The following LMTK2 variants were observed in gnomAD, a reference collection of about 807,000 sequenced individuals.
LMTK2 encodes lemur tail kinase 2.
LMTK2 carries 37 observed loss-of-function variants against 127.5 expected under a neutral mutation model. That is an observed-to-expected ratio of 0.29 (90% confidence interval 0.22 to 0.38). The LOEUF is 0.38. Ranked by LOEUF, LMTK2 falls within the 10% of genes least tolerant of loss-of-function variation. The probability of loss-of-function intolerance (pLI) is 1.00; values close to 1 mark genes in which losing one functional copy is unlikely to be tolerated. For synonymous variants in LMTK2, 819 were observed against 810.1 expected (o/e 1.01, Z -0.19); for missense variants, 1,694 against 1,920.3 (o/e 0.88, Z 2.20).
At position 98,205,676 on chromosome 7, in the gene LMTK2, G is replaced by A. The variant is rs1797782150; in HGVS notation, c.*184G>A. The A allele has an allele frequency of 3.0e-6, 2 of 655,848 alleles. No individual in the cohort carries two copies. The highest frequency in any genetic ancestry group is 2.6e-6 in the Non-Finnish European group (1 of 382,556). 40.6% of individuals were successfully genotyped at this position (655,848 alleles called of 1,614,324 possible). ...AGGCGGGGCCCTCGGGAGCCCAGGT[G>A]CAGAGCGAGGCCGTGTCCAGGAGCC... is the stretch of plus-strand genomic sequence containing the variant. On this transcript the variant is annotated 3_prime_UTR_variant, in exon 14 of 14. Coordinates refer to ENST00000297293, the MANE Select transcript of LMTK2 (RefSeq NM_014916.4).
At chr7:98,138,925 C>CT (rs1339913940) in intron 2 of LMTK2, among the ~76,000 whole-genome samples, 1 of 152,164 alleles carries the variant, frequency 6.6e-6, no homozygotes, top group African/African-American at 2.4e-5. Flanking sequence ...GCTCTAGAGT[C>CT]TGTGTGACTG....
chr7:98,187,222 A>G (rs1797449331), intron 9 of LMTK2, among the ~76,000 whole-genome samples: 1 of 152,234 alleles, frequency 6.6e-6, no homozygotes, highest in African/African-American at 2.4e-5. Context: ...TTTCCTTTAG[A>G]AAAGCAGGAA....
intron 8 of LMTK2, among the ~76,000 whole-genome samples, chr7:98,185,798 G>A (rs1455284385): frequency 6.6e-6 from 1 of 151,502 alleles, no homozygotes; most frequent in Non-Finnish European, 1.5e-5. Context: ...CTGGGTTCAA[G>A]CAACTTGCCT....
intron 7 of LMTK2, among the ~76,000 whole-genome samples, chr7:98,175,838 G>A (rs1205465802): frequency 1.3e-5 from 2 of 152,188 alleles, no homozygotes; most frequent in African/African-American, 2.4e-5. Context: ...TGATTAAAGA[G>A]CTTTCATTTT....
At chr7:98,154,691 G>C in intron 4 of LMTK2, 67 bp from the exon 5 acceptor site, 2 of 999,604 alleles carry the variant, frequency 2.0e-6, no homozygotes, top group Non-Finnish European at 3.2e-6. Context: ...TCCATTTCCC[G>C]GTAAATGCAG....
chr7:98,185,028 T>C (rs1368154060), intron 7 of LMTK2, 23 bp from the exon 8 acceptor site: 10 of 1,562,584 alleles, frequency 6.4e-6, no homozygotes, highest in South Asian at 1.1e-5. Flanking sequence ...CTTCTTGCCA[T>C]GTTCACTTCC....
At chr7:98,131,441 G>T (rs1371662863) in intron 1 of LMTK2, among the ~76,000 whole-genome samples, 1 of 151,730 alleles carries the variant, frequency 6.6e-6, no homozygotes, top group Non-Finnish European at 1.5e-5. Flanking sequence ...CCTGTGTTTT[G>T]CTGATTACAT....
intron 4 of LMTK2, among the ~76,000 whole-genome samples, chr7:98,152,046 C>G (rs1796865870): frequency 6.6e-6 from 1 of 152,100 alleles, no homozygotes; most frequent in East Asian, 1.9e-4. Flanking sequence ...GAAAAGAGAC[C>G]TGGAATCTTA....
At chr7:98,136,060 T>G (rs1369464797) in intron 1 of LMTK2, among the ~76,000 whole-genome samples, 2 of 151,892 alleles carry the variant, frequency 1.3e-5, no homozygotes, top group Non-Finnish European at 2.9e-5. Flanking sequence ...AGCCTGGAGC[T>G]TCCTGTCGTG....
At chr7:98,141,743 G>A (rs1796703314) in intron 3 of LMTK2, among the ~76,000 whole-genome samples, 1 of 152,166 alleles carries the variant, frequency 6.6e-6, no homozygotes, top group South Asian at 2.1e-4. Context: ...TGGACCCTGG[G>A]TCTGGTATGA....
chr7:98,154,179 C>T (rs997363720), intron 4 of LMTK2, among the ~76,000 whole-genome samples: 1 of 152,114 alleles, frequency 6.6e-6, no homozygotes, highest in African/African-American at 2.4e-5. Flanking sequence ...TCATGTGAGG[C>T]AGCAGATTCT....
rs771751153 is a variant in LMTK2, at chr7:98,193,093, C to T, written c.2628C>T (p.Thr876=). 21 of 1,613,652 alleles carry T rather than the reference C, an allele frequency of 1.3e-5. No individual in the cohort carries two copies. The South Asian group carries it at 2.3e-4, about 18-fold the overall frequency. Residue 876 remains threonine (T), a synonymous_variant, in exon 11 of 14, where the codon ACC becomes ACT. Transcript: ENST00000297293. The surrounding 1 kb of genome is among the most constrained non-coding windows in gnomAD (Gnocchi z 4.1). ...PVEILSTDAR[T]HSLDNRSQDS... ...AAATTCTCTCAACTGATGCCAGAAC[C>T]CACAGCCTGGATAACAGGTCCCAGG...
chr7:98,152,867 T>TGCTA (rs1364762334), intron 4 of LMTK2, among the ~76,000 whole-genome samples: 2 of 152,138 alleles, frequency 1.3e-5, no homozygotes, highest in Non-Finnish European at 2.9e-5. Context: ...TGAACCTGGA[T>TGCTA]GCTAGCGGTG....
At chr7:98,148,832 A>G (rs1302177570) in intron 3 of LMTK2, among the ~76,000 whole-genome samples, 1 of 152,218 alleles carries the variant, frequency 6.6e-6, no homozygotes, top group Non-Finnish European at 1.5e-5. Flanking sequence ...TTGGGCCTGA[A>G]GACCAGCTCC....
At chr7:98,152,725 A>G (rs1796875687) in intron 4 of LMTK2, among the ~76,000 whole-genome samples, 1 of 152,146 alleles carries the variant, frequency 6.6e-6, no homozygotes, top group African/African-American at 2.4e-5. Flanking sequence ...GAAACGGGGA[A>G]ATACTCTGGT....
intron 3 of LMTK2, among the ~76,000 whole-genome samples, 198 bp downstream of exon 3, chr7:98,141,739 C>T (rs1408865584): frequency 2.0e-5 from 3 of 152,196 alleles, no homozygotes; most frequent in African/African-American, 7.2e-5. Context: ...TTTCTGGACC[C>T]TGGGTCTGGT....
chr7:98,167,286 G>A (rs1030593152), intron 6 of LMTK2, among the ~76,000 whole-genome samples: 5 of 152,196 alleles, frequency 3.3e-5, no homozygotes, highest in African/African-American at 1.2e-4. Context: ...ACACAATAGG[G>A]AACTAGACGG....
Position 98,171,091 on chromosome 7 carries a change from C to A in LMTK2, c.658-450C>A, listed in dbSNP as rs1195004807. On this transcript the variant is annotated intron_variant, in intron 6 of 13. Transcript: ENST00000297293. This position sits in a 1 kb window ranked among gnomAD's most constrained non-coding sequence, Gnocchi z 5.1. ...CCCACCCATTTTTCTTTCCTTCTCT[C>A]CCGCTCCATTGCTCCTCCAAGCTTT... Among the ~76,000 whole-genome samples the A allele has an allele frequency of 6.6e-6, 1 of 152,124 alleles. No homozygotes were observed. The highest frequency in any genetic ancestry group is 2.4e-5 in the African/African-American group (1 of 41,412).
chr7:98,204,572 A>T (rs1321760288), intron 13 of LMTK2, among the ~76,000 whole-genome samples: 3 of 152,230 alleles, frequency 2.0e-5, no homozygotes, highest in African/African-American at 7.2e-5. Context: ...GGCTACAGTG[A>T]CCTATGATTG....
Sources: allele counts gnomAD v4.1 joint callset (sites outside exome capture counted in the v4.1 genomes callset), GRCh38; gene constraint gnomAD v4.1.1; non-coding constraint Gnocchi (gnomAD v3.1); transcripts MANE v1.5; gene names NCBI Gene and HGNC (gene_info 2026-07-23, HGNC 2026-07-21).